The following KATNBL1 variants were observed in gnomAD, a reference collection of about 807,000 sequenced individuals.
KATNBL1 encodes the protein KATNB1-like protein 1.
In KATNBL1, 28 loss-of-function variants were observed where a neutral mutation model predicts 44.7. The ratio of observed to expected loss-of-function variants is 0.63; its 90% CI spans 0.46 to 0.86. KATNBL1 has a LOEUF of 0.86. Ranked by LOEUF, KATNBL1 falls within the 40% of genes least tolerant of loss-of-function variation. The pLI is 0.00. For synonymous variants in KATNBL1, 78 were observed against 114.9 expected, an observed-to-expected ratio of 0.68 and a Z score of 2.06; for missense variants, 272 against 350.7, an observed-to-expected ratio of 0.78 and a Z score of 1.79.
chr15:34,184,289 G>C (rs1889652923), intron 1 of KATNBL1, among the ~76,000 whole-genome samples: 1 of 139,910 alleles, frequency 7.1e-6, no homozygotes, highest in Admixed American at 7.2e-5. Context: ...CTGGACGACA[G>C]AGCGAGACTC....
intron 1 of KATNBL1, among the ~76,000 whole-genome samples, chr15:34,190,973 G>A (rs933404228): frequency 1.3e-5 from 2 of 151,902 alleles, no homozygotes; most frequent in African/African-American, 4.8e-5. Context: ...AATAAAATAA[G>A]AGGATGAGGC....
rs199944929 is a variant in KATNBL1 at position 34,153,046 on chromosome 15, C to G, written c.182G>C (p.Ser61Thr). The G allele has an allele frequency of 1.9e-6, 3 of 1,610,602 alleles. No individual in the cohort carries two copies. The Admixed American group carries it at 5.0e-5, about 27-fold the overall frequency. ...INRTVGQTVKSPDKLRKVIYR... is the reference protein window; with the variant it reads ...INRTVGQTVKTPDKLRKVIYR... The stretch of plus-strand genomic sequence containing the variant: ...GATCACTTTACGAAGTTTATCTGGG[C>G]TTTTCACAGTTTGTCCAACTGTTCT... Residue 61 changes from serine (S) to threonine (T), a missense_variant, in exon 4 of 10, where the codon AGC becomes ACC. By Grantham distance (58) the Ser-to-Thr change is moderately conservative. Transcript: ENST00000256544.
At chr15:34,166,405 G>A (rs1271697454) in intron 1 of KATNBL1, among the ~76,000 whole-genome samples, 2 of 152,264 alleles carry the variant, frequency 1.3e-5, no homozygotes, top group Non-Finnish European at 2.9e-5. Context: ...CCACTGCTGA[G>A]GCTTGAGTAG....
intron 1 of KATNBL1, among the ~76,000 whole-genome samples, chr15:34,208,049 T>A (rs2141013267): frequency 6.6e-6 from 1 of 152,354 alleles, no homozygotes; most frequent in Middle Eastern, 3.4e-3. Context: ...CAAACTAGAT[T>A]AATCTCCCTA....
At chr15:34,149,311 A>G (rs916634603) in intron 4 of KATNBL1, among the ~76,000 whole-genome samples, 1 of 152,212 alleles carries the variant, frequency 6.6e-6, no homozygotes, top group Non-Finnish European at 1.5e-5. Flanking sequence ...ACCATTTTCT[A>G]GACAAAGACA....
chr15:34,147,507 C>A (rs572894416), intron 5 of KATNBL1, 77 bp from the exon 6 acceptor site: 3 of 1,134,246 alleles, frequency 2.6e-6, no homozygotes, highest in Non-Finnish European at 3.9e-6. Flanking sequence ...TTATTCACAC[C>A]GCTTTTGAGA....
intron 1 of KATNBL1, among the ~76,000 whole-genome samples, chr15:34,184,305 C>CAA (rs531339661): frequency 7.7e-6 from 1 of 129,042 alleles, no homozygotes. Context: ...GACTCTGTCT[C>CAA]AAAAAAAAAA....
rs571173722 is a variant in KATNBL1 at position 34,147,142 on chromosome 15, G to A, written c.698+58C>T. ...GCCCAATCTACTATGTACTCACAAA[G>A]CACAAAATCAAGGATGCTGAAAAAG... On this transcript the variant is annotated intron_variant, in intron 7 of 9. Coordinates refer to ENST00000256544, the MANE Select transcript of KATNBL1 (RefSeq NM_024713.3). The A allele has an allele frequency of 2.9e-5, 32 of 1,089,686 alleles. No homozygotes were observed. In the African/African-American group the frequency reaches 4.1e-4, roughly 14 times the overall value. The allele number at this position is 1,089,686 out of a possible 1,614,324, so 67.5% of individuals were successfully genotyped here.
chr15:34,203,811 A>G (rs927889599), intron 1 of KATNBL1, among the ~76,000 whole-genome samples: 33 of 151,930 alleles, frequency 2.2e-4, no homozygotes, highest in African/African-American at 7.7e-4. Context: ...GTTCTCACTC[A>G]TAAGTGGGAG....
chr15:34,209,067 T>A (rs1287103186), intron 1 of KATNBL1: 1 of 152,236 alleles, frequency 6.6e-6, no homozygotes. Flanking sequence ...TGCCCATCAT[T>A]ATGATCACAC....
chr15:34,192,519 CA>C (rs1009456380), intron 1 of KATNBL1, among the ~76,000 whole-genome samples: 42 of 152,202 alleles, frequency 2.8e-4, no homozygotes, highest in Admixed American at 2.7e-3. Flanking sequence ...CAATGCTCTG[CA>C]ATGATACAGA....
intron 1 of KATNBL1, among the ~76,000 whole-genome samples, chr15:34,185,376 A>C (rs1168623919): frequency 1.3e-5 from 2 of 152,226 alleles, no homozygotes; most frequent in East Asian, 1.9e-4. Context: ...CAAATAATTG[A>C]AGGCCTAAAG....
At chr15:34,154,604 C>G in intron 3 of KATNBL1, 40 bp downstream of exon 3, 1 of 1,291,820 alleles carries the variant, frequency 7.7e-7, no homozygotes, top group Non-Finnish European at 1.1e-6. Context: ...ACCCAGCTTT[C>G]ATATTTGTTG....
At position 34,147,261 on chromosome 15, in the gene KATNBL1, G is replaced by T; in HGVS notation, c.637C>A (p.Leu213Ile). 6.2e-7 allele frequency: 1 copy of T among 1,612,904 alleles called. No homozygotes were observed. The highest frequency in any genetic ancestry group is 8.5e-7 in the Non-Finnish European group (1 of 1,179,234). ...CLQEEKQYIS[L>I]GCCVDLLPLV... ...GGCAACAAGTCAACACAGCAGCCAA[G>T]TGAGATATATTGTTTTTCTTCCTGT... is the stretch of plus-strand genomic sequence containing the variant. Residue 213 changes from leucine to isoleucine, a missense_variant, in exon 7 of 10, where the codon CTT (leucine) becomes ATT (isoleucine). Leu to Ile is a conservative substitution (Grantham distance 5). This residue lies in a region of KATNBL1 where 111 missense variants were observed against 149.3 expected (regional missense o/e 0.74). Coordinates refer to ENST00000256544, the MANE Select transcript of KATNBL1 (RefSeq NM_024713.3).
intron 1 of KATNBL1, among the ~76,000 whole-genome samples, chr15:34,181,703 C>T (rs1889548911): frequency 1.1e-4 from 3 of 26,646 alleles, no homozygotes; most frequent in Non-Finnish European, 1.6e-4. Flanking sequence ...TATATATATC[C>T]ATATATATGG....
chr15:34,147,243 A>C lies in KATNBL1; in HGVS notation c.655T>G (p.Leu219Val). ...QYISLGCCVD[L>V]LPLVKSLLKS... ...AGTAGTGACTTTACTAGAGGCAACA[A>C]GTCAACACAGCAGCCAAGTGAGATA... The change falls in exon 7 of 10, where the codon TTG becomes GTG. Residue 219 changes from leucine to valine, a missense_variant. By Grantham distance (32) the Leu-to-Val change is conservative. This residue lies in a region of KATNBL1 where 111 missense variants were observed against 149.3 expected (regional missense o/e 0.74). Coordinates refer to ENST00000256544, the MANE Select transcript of KATNBL1 (RefSeq NM_024713.3). The C allele has an allele frequency of 6.2e-7, 1 of 1,612,648 alleles. No homozygotes were observed. The highest frequency in any genetic ancestry group is 8.5e-7 in the Non-Finnish European group (1 of 1,179,252).
intron 2 of KATNBL1, among the ~76,000 whole-genome samples, chr15:34,161,061 G>A (rs1888787863): frequency 6.6e-6 from 1 of 152,140 alleles, no homozygotes; most frequent in Non-Finnish European, 1.5e-5. Context: ...TTTACAGGAG[G>A]GCTGCCCTAA....
intron 4 of KATNBL1, among the ~76,000 whole-genome samples, chr15:34,150,552 C>T (rs1384018195): frequency 6.6e-6 from 1 of 152,198 alleles, no homozygotes; most frequent in African/African-American, 2.4e-5. Context: ...CAAGATTGCA[C>T]CACTGCACCC....
At chr15:34,168,537 G>A (rs1889055900) in intron 1 of KATNBL1, among the ~76,000 whole-genome samples, 1 of 149,980 alleles carries the variant, frequency 6.7e-6, no homozygotes, top group African/African-American at 2.5e-5. Context: ...CAGTGAGACA[G>A]AAGGTTAACA....
Sources: gnomAD v4.1 joint callset for allele counts (sites outside exome capture counted in the v4.1 genomes callset) on GRCh38, gnomAD v4.1.1 for gene constraint, gnomAD v4.1.1 regional missense constraint, MANE v1.5 for transcripts, NCBI Gene and HGNC (gene_info 2026-07-23, HGNC 2026-07-21) for gene names.